VPS13C: variants seen among roughly 807,000 people sequenced by gnomAD.
VPS13C encodes the protein vacuolar protein sorting 13 homolog C.
VPS13C carries 358 observed loss-of-function variants against 456.8 expected under a neutral mutation model. That is an observed-to-expected ratio of 0.78 (90% CI 0.72 to 0.86). The LOEUF (loss-of-function observed/expected upper bound fraction) is 0.86, where lower values mean the gene tolerates loss of function less well. Among genes scored for constraint, VPS13C ranks in the 40% least tolerant of loss-of-function variants. The probability of loss-of-function intolerance (pLI) is 0.00; values close to 1 mark genes in which losing one functional copy is unlikely to be tolerated. For synonymous variants in VPS13C, 1,578 were observed against 1,486.7 expected, an observed-to-expected ratio of 1.06 and a Z score of -1.41; for missense variants, 4,818 against 4,385.4, an observed-to-expected ratio of 1.10 and a Z score of -2.79.
At chr15:61,957,493 A>G (rs28587331) in intron 37 of VPS13C, among the ~76,000 whole-genome samples, 70,426 of 151,964 alleles carry the variant, frequency 0.46, 16,596 homozygotes, top group Middle Eastern at 0.65. Context: ...GAAAAATACA[A>G]TGGCATACCG....
At chr15:61,990,859 C>T in intron 18 of VPS13C, 141 bp downstream of exon 18, 1 of 616,470 alleles carries the variant, frequency 1.6e-6, no homozygotes, top group South Asian at 2.0e-5. Context: ...ATTGGTAAAA[C>T]CTGACTGAAA....
intron 55 of VPS13C, among the ~76,000 whole-genome samples, chr15:61,921,695 G>C (rs2043661673): frequency 6.6e-6 from 1 of 152,120 alleles, no homozygotes; most frequent in South Asian, 2.1e-4. Context: ...AGGGAAGACA[G>C]ATAAATTCTC....
chr15:61,873,642 A>T (rs540736425), intron 77 of VPS13C, among the ~76,000 whole-genome samples: 1 of 152,178 alleles, frequency 6.6e-6, no homozygotes, highest in East Asian at 1.9e-4. Flanking sequence ...CAGTTAGAAT[A>T]GTTATTATAA....
intron 36 of VPS13C, among the ~76,000 whole-genome samples, chr15:61,959,018 T>C (rs2045104701): frequency 6.6e-6 from 1 of 152,062 alleles, no homozygotes; most frequent in South Asian, 2.1e-4. Flanking sequence ...ACCTTTTCTA[T>C]TAAAGTGACA....
intron 24 of VPS13C, among the ~76,000 whole-genome samples, chr15:61,974,925 T>C (rs952407480): frequency 6.6e-6 from 1 of 152,166 alleles, no homozygotes; most frequent in African/African-American, 2.4e-5. Context: ...TTTTATCAGT[T>C]GCTTACTTTT....
At chr15:62,017,341 T>C (rs2047292636) in intron 9 of VPS13C, among the ~76,000 whole-genome samples, 1 of 152,186 alleles carries the variant, frequency 6.6e-6, no homozygotes, top group Non-Finnish European at 1.5e-5. Context: ...TTTGGTGTTT[T>C]AGACATGAAG....
intron 82 of VPS13C, among the ~76,000 whole-genome samples, chr15:61,861,188 C>A (rs983583730): frequency 6.6e-6 from 1 of 151,908 alleles, no homozygotes; most frequent in Non-Finnish European, 1.5e-5. Context: ...GTCTCGAACT[C>A]CCAACCTCAA....
chr15:61,856,261 C>G (rs747188090), intron 83 of VPS13C, 25 bp downstream of exon 83: 1 of 1,611,898 alleles, frequency 6.2e-7, no homozygotes, highest in South Asian at 1.1e-5. Context: ...ACTCTTAGCT[C>G]TAAAGGTGTG....
chr15:61,999,105 A>G (rs190705049), intron 16 of VPS13C, among the ~76,000 whole-genome samples: 1 of 152,250 alleles, frequency 6.6e-6, no homozygotes, highest in Non-Finnish European at 1.5e-5. Flanking sequence ...CAGGCCAGGC[A>G]CGGTGGCTCA....
At chr15:61,875,990 T>C (rs1895396454) in intron 75 of VPS13C, 145 bp from the exon 76 acceptor site, 4 of 583,228 alleles carry the variant, frequency 6.9e-6, no homozygotes, top group African/African-American at 1.9e-5. Flanking sequence ...CCTCCACTAA[T>C]GGATCTTTTA....
chr15:61,877,582 A>G (rs1895542428), intron 74 of VPS13C, among the ~76,000 whole-genome samples: 1 of 151,564 alleles, frequency 6.6e-6, no homozygotes, highest in African/African-American at 2.4e-5. Context: ...CTTTGGTTGA[A>G]CTTCAAGGTT....
In VPS13C at chr15:62,041,330, G is replaced by C. The variant is rs2048234754; in HGVS notation, c.181C>G (p.Gln61Glu). 4 of 1,606,640 alleles carry C rather than the reference G, an allele frequency of 2.5e-6. No individual in the cohort carries two copies. The highest frequency in any genetic ancestry group is 1.3e-5 in the African/African-American group (1 of 74,260). The change falls in exon 3 of 85, where the codon CAA (glutamine) becomes GAA (glutamate). Residue 61 changes from glutamine (Q) to glutamate (E), a missense_variant. Coordinates refer to ENST00000644861, the MANE Select transcript of VPS13C (RefSeq NM_020821.3). ...TGAAGACTAAAGTACTTACCAATTT[G>C]GCCAGCCTTGACTTTAAAAGGAACA... ...LDVPFKVKAG[Q>E]IDKLTLKIPW...
intron 64 of VPS13C, among the ~76,000 whole-genome samples, chr15:61,909,668 A>T (rs926693816): frequency 6.6e-6 from 1 of 152,212 alleles, no homozygotes; most frequent in African/African-American, 2.4e-5. Flanking sequence ...AATCAAAGAC[A>T]TTTTATTTTA....
chr15:61,988,246 G>A (rs1378105154), intron 18 of VPS13C, among the ~76,000 whole-genome samples: 1 of 152,166 alleles, frequency 6.6e-6, no homozygotes, highest in Non-Finnish European at 1.5e-5. Flanking sequence ...TTGGAAGGAT[G>A]GAAATGTTCT....
intron 2 of VPS13C, among the ~76,000 whole-genome samples, chr15:62,043,838 A>G (rs1177380900): frequency 6.6e-6 from 1 of 152,172 alleles, no homozygotes; most frequent in Non-Finnish European, 1.5e-5. Context: ...TATTACTATA[A>G]TAAGGCTAGA....
In VPS13C at chr15:61,962,427, G is replaced by A. The variant is rs1009938104; in HGVS notation, c.3547C>T (p.Leu1183=). The change falls in exon 34 of 85, where the codon CTG becomes TTG. Residue 1183 remains leucine, a synonymous_variant. Coordinates refer to ENST00000644861, the MANE Select transcript of VPS13C (RefSeq NM_020821.3). ...ACAATCTGAATACAGCCAACATTCA[G>A]AGACAGCACACCATCCACTTTGGAC... The part of the protein sequence containing the change: ...DMSKVDGVLS[L]NVGCIQIVYL... 4 of 1,610,322 alleles carry A rather than the reference G, an allele frequency of 2.5e-6. No individual in the cohort carries two copies. Among genetic ancestry groups the A allele is most frequent in the South Asian group, 1.1e-5 (1 of 90,390 alleles).
At chr15:62,020,591 C>G in intron 8 of VPS13C, 53 bp from the exon 9 acceptor site, 1 of 1,559,630 alleles carries the variant, frequency 6.4e-7, no homozygotes, top group Non-Finnish European at 8.8e-7. Context: ...AAGGCGAATC[C>G]ATGTCCTTTA....
intron 73 of VPS13C, among the ~76,000 whole-genome samples, chr15:61,879,127 G>C (rs1293436563): frequency 6.6e-6 from 1 of 152,024 alleles, no homozygotes; most frequent in East Asian, 1.9e-4. Flanking sequence ...TGACAATTAA[G>C]GTAAGTTAGC....
At chr15:61,922,365 G>A (rs1452875869) in intron 54 of VPS13C, 32 bp downstream of exon 54, 2 of 1,572,936 alleles carry the variant, frequency 1.3e-6, no homozygotes, top group Admixed American at 1.9e-5. Flanking sequence ...CTTTCAAGAA[G>A]TCTCTGAAGG....
Sources: gnomAD v4.1 joint callset for allele counts (sites outside exome capture counted in the v4.1 genomes callset) on GRCh38, gnomAD v4.1.1 for gene constraint, MANE v1.5 for transcripts, NCBI Gene and HGNC (gene_info 2026-07-23, HGNC 2026-07-21) for gene names.